Variants in PRKDC observed in about 807,000 individuals in gnomAD.
PRKDC encodes protein kinase, DNA-activated, catalytic subunit.
Under a neutral mutation model 486.9 loss-of-function variants are expected in PRKDC, and 82 were observed. The ratio of observed to expected loss-of-function variants is 0.17; its 90% CI spans 0.14 to 0.20. The LOEUF is 0.20. PRKDC is among the 10% of genes least tolerant of loss of function. PRKDC has a pLI of 1.00. For missense variants in PRKDC, 4,504 were observed against 5,038.2 expected (o/e 0.89, Z 3.21); for synonymous variants, 1,895 against 1,837.0 (o/e 1.03, Z -0.81).
intron 21 of PRKDC, among the ~76,000 whole-genome samples, chr8:47,922,050 G>T (rs2090080997): frequency 6.6e-6 from 1 of 152,064 alleles, no homozygotes; most frequent in African/African-American, 2.4e-5. Flanking sequence ...CTAAGTGCTG[G>T]GATTACAGGC....
intron 25 of PRKDC, 92 bp from the exon 26 acceptor site, chr8:47,905,068 A>C: frequency 1.1e-6 from 1 of 897,784 alleles, no homozygotes; most frequent in East Asian, 2.5e-5. Flanking sequence ...TTGCAGTATA[A>C]AATTAAGTAA....
chr8:47,858,400 C>A, intron 48 of PRKDC, 116 bp downstream of exon 48: 1 of 1,083,018 alleles, frequency 9.2e-7, no homozygotes, highest in Non-Finnish European at 1.3e-6. Flanking sequence ...TTATATTTTC[C>A]TTTTTTGTGT....
In PRKDC at chr8:47,936,481, T is replaced by A; in HGVS notation, c.1150A>T (p.Met384Leu). 6.2e-7 allele frequency: 1 copy of A among 1,614,054 alleles called. No homozygotes were observed. Among genetic ancestry groups the A allele is most frequent in the African/African-American group, 1.3e-5 (1 of 75,062 alleles). Residue 384 changes from methionine (M) to leucine (L), a missense_variant, in exon 12 of 86, where the codon ATG becomes TTG. Physicochemically the swap from Met to Leu is conservative, Grantham distance 15. Coordinates refer to ENST00000314191, the MANE Select transcript of PRKDC (RefSeq NM_006904.7). ...KVINAKDVDF[M>L]YVELIQRCKQ... ...CAGCGCTGAATGAGCTCAACGTACA[T>A]GAAGTCAACATCTTTTGCGTTTATA...
chr8:47,785,796 A>C (rs1233508839), intron 76 of PRKDC, among the ~76,000 whole-genome samples: 1 of 151,620 alleles, frequency 6.6e-6, no homozygotes, highest in Non-Finnish European at 1.5e-5. Context: ...TAAAACATCC[A>C]GTCTGCCTTT....
chr8:47,780,116 T>C (rs765521577), intron 80 of PRKDC, among the ~76,000 whole-genome samples: 1 of 150,520 alleles, frequency 6.6e-6, no homozygotes, highest in African/African-American at 2.4e-5. Context: ...GGTTTTGCCA[T>C]GTTGACCAGA....
At chr8:47,874,045 G>A (rs1479462797) in intron 40 of PRKDC, among the ~76,000 whole-genome samples, 3 of 142,232 alleles carry the variant, frequency 2.1e-5, no homozygotes, top group South Asian at 2.2e-4. Context: ...CCGGGTTCAC[G>A]TCATTCTCCT....
At chr8:47,852,589 A>G in intron 52 of PRKDC, 84 bp downstream of exon 52, 1 of 812,012 alleles carries the variant, frequency 1.2e-6, no homozygotes, top group Non-Finnish European at 1.8e-6. Flanking sequence ...ATACCATACA[A>G]GAAATAAACA....
chr8:47,864,797 C>T (rs1340267065), intron 40 of PRKDC, 34 bp from the exon 41 acceptor site: 3 of 1,494,998 alleles, frequency 2.0e-6, no homozygotes, highest in Non-Finnish European at 1.8e-6. Flanking sequence ...ATGAACATCC[C>T]TGCTTTGAAG....
rs1302786212 is a variant in PRKDC at position 47,933,126 on chromosome 8, C to T, written c.1670G>A (p.Ser557Asn). Reference protein sequence around the residue: ...DEAFFSVNSSSESLNHLLYDE... With the variant: ...DEAFFSVNSSNESLNHLLYDE... ...ATAAAGTAAATGATTCAGACTTTCA[C>T]TGGAGGAATTCACAGAGAAAAATGC... Residue 557 changes from serine to asparagine, a missense_variant, in exon 16 of 86, where the codon AGT becomes AAT. Ser to Asn is a conservative substitution (Grantham distance 46). Transcript: ENST00000314191. 2 of 1,561,440 alleles carry T rather than the reference C, an allele frequency of 1.3e-6. No individual in the cohort carries two copies. Among genetic ancestry groups the T allele is most frequent in the African/African-American group, 1.4e-5 (1 of 73,200 alleles).
chr8:47,893,938 A>G (rs1365430656), intron 30 of PRKDC, among the ~76,000 whole-genome samples: 2 of 152,222 alleles, frequency 1.3e-5, no homozygotes, highest in East Asian at 3.8e-4. Flanking sequence ...ATGTCAAATC[A>G]TTCTGACTCT....
At chr8:47,937,763 T>C (rs901693816) in intron 11 of PRKDC, among the ~76,000 whole-genome samples, 3 of 152,188 alleles carry the variant, frequency 2.0e-5, no homozygotes, top group African/African-American at 7.2e-5. Context: ...GCCATTCTGT[T>C]TCTTCTGCCC....
In PRKDC at chr8:47,939,573, C is replaced by T. The variant is rs1158554190; in HGVS notation, c.1091G>A (p.Arg364His). 3 of 1,613,348 alleles carry T rather than the reference C, an allele frequency of 1.9e-6. No homozygotes were observed. Among genetic ancestry groups the T allele is most frequent in the East Asian group, 2.2e-5 (1 of 44,858 alleles). ...SNNKELSIAI[R>H]GYGLFAGPCK... is the part of the protein sequence containing the mutation. ...TACTCCTGCAAAAAGTCCATATCCA[C>T]GGATAGCAATAGATAACTCCTTGTT... The change falls in exon 11 of 86, where the codon CGT (arginine) becomes CAT (histidine). Residue 364 changes from arginine to histidine, a missense_variant. By Grantham distance (29) the Arg-to-His change is conservative. This residue lies in a region of PRKDC where 1,969 missense variants were observed against 2,068.9 expected (regional missense o/e 0.95). Transcript: ENST00000314191.
intron 5 of PRKDC, 35 bp from the exon 6 acceptor site, chr8:47,953,954 A>G (rs2090664407): frequency 2.4e-6 from 3 of 1,263,370 alleles, no homozygotes; most frequent in South Asian, 1.4e-5. Context: ...GAAGGCCTCA[A>G]ACTACATTTA....
chr8:47,935,363 G>A (rs1332830109), intron 13 of PRKDC, among the ~76,000 whole-genome samples: 1 of 152,078 alleles, frequency 6.6e-6, no homozygotes, highest in Non-Finnish European at 1.5e-5. Context: ...AGCCGGGCAT[G>A]GTGGCGGGCG....
intron 31 of PRKDC, among the ~76,000 whole-genome samples, chr8:47,891,237 C>T (rs2089448962): frequency 6.6e-6 from 1 of 152,198 alleles, no homozygotes; most frequent in Non-Finnish European, 1.5e-5. Context: ...ATTTAAAATA[C>T]TTGTACACTG....
chr8:47,798,050 T>C (rs1204015495), intron 73 of PRKDC, among the ~76,000 whole-genome samples, 187 bp downstream of exon 73: 2 of 152,284 alleles, frequency 1.3e-5, no homozygotes, highest in East Asian at 1.9e-4. Flanking sequence ...CAGAGGAAAA[T>C]GGGTAAATGC....
intron 21 of PRKDC, among the ~76,000 whole-genome samples, chr8:47,923,871 C>G (rs1165974388): frequency 6.6e-6 from 1 of 152,186 alleles, no homozygotes. Context: ...AGTCACATGA[C>G]TTAACAGAGA....
At chr8:47,819,372 T>C in intron 67 of PRKDC, 30 bp downstream of exon 67, 1 of 1,336,962 alleles carries the variant, frequency 7.5e-7, no homozygotes, top group Non-Finnish European at 1.0e-6. Context: ...CAATTAGAAA[T>C]GAAAAAAAAA....
At chr8:47,957,138 A>G (rs1446613665) in intron 3 of PRKDC, 33 bp downstream of exon 3, 7 of 1,361,384 alleles carry the variant, frequency 5.1e-6, no homozygotes, top group Non-Finnish European at 7.2e-6. Flanking sequence ...ATGTTGATAT[A>G]TAATGTAATA....
Sources: gnomAD v4.1 joint callset for allele counts (sites outside exome capture counted in the v4.1 genomes callset) on GRCh38, gnomAD v4.1.1 for gene constraint, gnomAD v4.1.1 regional missense constraint, MANE v1.5 for transcripts, NCBI Gene and HGNC (gene_info 2026-07-23, HGNC 2026-07-21) for gene names.